The following MYO5B variants were observed in gnomAD, a reference collection of about 807,000 sequenced individuals.
The protein encoded by MYO5B is myosin VB.
A neutral mutation model predicts 229.3 loss-of-function variants in MYO5B; 143 were observed. The ratio of observed to expected loss-of-function variants is 0.62; its 90% CI spans 0.54 to 0.72. The LOEUF (loss-of-function observed/expected upper bound fraction) is 0.72. Among genes scored for constraint, MYO5B ranks in the 30% least tolerant of loss-of-function variants. The pLI, the probability that MYO5B is intolerant of heterozygous loss-of-function variation, is 0.00. For missense variants in MYO5B, 2,321 were observed against 2,331.0 expected, an observed-to-expected ratio of 1.00 and a Z score of 0.09; for synonymous variants, 918 against 885.2, an observed-to-expected ratio of 1.04 and a Z score of -0.66.
chr18:49,984,701 A>AC lies in MYO5B; in HGVS notation c.946+16dup, dbSNP rs753584418. On this transcript the variant is annotated intron_variant, in intron 8 of 39. Transcript: ENST00000285039. ...TCAGCCCTCGGGGCCTGCTTCCCCA[A>AC]CTAAGAAGCTCCTTACCGAGGAGTG... The AC allele has an allele frequency of 7.1e-5, 112 of 1,580,318 alleles. No individual in the cohort carries two copies. In the African/African-American group the frequency reaches 1.5e-3, roughly 21 times the overall value.
intron 1 of MYO5B, among the ~76,000 whole-genome samples, chr18:50,129,446 A>G (rs1272390009): frequency 6.6e-6 from 1 of 152,216 alleles, no homozygotes; most frequent in African/African-American, 2.4e-5. Context: ...CAGAAAACTC[A>G]AATCACTGGA....
intron 1 of MYO5B, among the ~76,000 whole-genome samples, chr18:50,179,330 A>G (rs1226571373): frequency 6.6e-6 from 1 of 152,162 alleles, no homozygotes; most frequent in Non-Finnish European, 1.5e-5. Flanking sequence ...AAGTAGAAAA[A>G]CCAGGTCTCT....
rs368506553 is a variant in MYO5B, at chr18:49,992,300, T to C, written c.744A>G (p.Arg248=). The change falls in exon 6 of 40, where the codon AGA becomes AGG. Residue 248 remains arginine, a synonymous_variant. Coordinates refer to ENST00000285039, the MANE Select transcript of MYO5B (RefSeq NM_001080467.3). ...NMRTYLLEKS[R]VVFQADDERN... ...TCCTCCCACTCACCTGGAAGACCAC[T>C]CTGGACTTCTCCAAGAGGTAAGTCC... The C allele has an allele frequency of 2.4e-5, 39 of 1,614,174 alleles. No homozygotes were observed. Among genetic ancestry groups the C allele is most frequent in the Middle Eastern group, 1.7e-4 (1 of 6,060 alleles).
chr18:50,074,418 T>A (rs1322254846), intron 1 of MYO5B, among the ~76,000 whole-genome samples: 4 of 152,296 alleles, frequency 2.6e-5, no homozygotes, highest in African/African-American at 9.6e-5. Flanking sequence ...GCCCATCGGA[T>A]GTCACTTCCC....
Position 49,970,112 on chromosome 18 carries a change from A to C in MYO5B, c.1322+4238T>G, listed in dbSNP as rs529701611. On this transcript the variant is annotated intron_variant, in intron 10 of 39. Transcript: ENST00000285039. ...AGAGGTATAAAGGATTACAGACTGC[A>C]ATTAATCAGGCCTAGAGAGGCAAAT... 3.3e-5 allele frequency: 5 copies of C among 152,354 alleles called. No homozygotes were observed. In the South Asian group the frequency reaches 8.3e-4, roughly 25 times the overall value. The allele number at this position is 152,354 out of a possible 1,614,324, so 9.4% of individuals were successfully genotyped here. A position where few individuals can be genotyped will look rare whatever the true frequency, so the allele number is the denominator to read the frequency against.
intron 1 of MYO5B, among the ~76,000 whole-genome samples, chr18:50,107,112 T>C (rs2031776047): frequency 1.3e-5 from 1 of 74,870 alleles, no homozygotes; most frequent in Non-Finnish European, 2.5e-5. Flanking sequence ...AGGGTGCCTT[T>C]TTTTTTTTTT....
At chr18:49,932,884 T>A (rs1416748076) in intron 16 of MYO5B, among the ~76,000 whole-genome samples, 1 of 152,042 alleles carries the variant, frequency 6.6e-6, no homozygotes, top group Non-Finnish European at 1.5e-5. Context: ...CACTATTAGG[T>A]GACTAGGAAT....
intron 1 of MYO5B, among the ~76,000 whole-genome samples, chr18:50,082,613 C>T (rs1310224361): frequency 6.6e-6 from 1 of 152,168 alleles, no homozygotes; most frequent in East Asian, 1.9e-4. Flanking sequence ...GAATGTGCAG[C>T]CTAATACTAA....
chr18:50,008,724 T>TCCCA (rs1198638522), intron 4 of MYO5B, among the ~76,000 whole-genome samples: 1 of 152,142 alleles, frequency 6.6e-6, no homozygotes, highest in Admixed American at 6.5e-5. Flanking sequence ...AGAAAGGACA[T>TCCCA]CCCATCTCCA....
Position 50,076,426 on chromosome 18 carries a change from G to C in MYO5B, c.28-21048C>G, listed in dbSNP as rs113128623. 9.8e-3 allele frequency among the ~76,000 whole-genome samples: 1,486 copies of C among 152,294 alleles called. 28 individuals carry two copies. The highest frequency in any genetic ancestry group is 0.034 in the African/African-American group (1,404 of 41,568). ...GCATGAGGGTGAAACAGGAAGGAAG[G>C]AAAGGCGTGGCAGGAGGAGGGGAAG... On this transcript the variant is annotated intron_variant, in intron 1 of 39. Coordinates refer to ENST00000285039, the MANE Select transcript of MYO5B (RefSeq NM_001080467.3).
chr18:49,930,873 CAG>C (rs1348522384), intron 16 of MYO5B, among the ~76,000 whole-genome samples: 4 of 141,744 alleles, frequency 2.8e-5, no homozygotes, highest in Non-Finnish European at 6.0e-5. Flanking sequence ...GCCTGGGTGA[CAG>C]AGTGAGACTC....
intron 8 of MYO5B, among the ~76,000 whole-genome samples, chr18:49,982,269 TG>T (rs1184847567): frequency 1.3e-5 from 2 of 152,114 alleles, no homozygotes; most frequent in East Asian, 3.8e-4. Context: ...GGGTCTCCCG[TG>T]TTGCCCAGAA....
chr18:49,941,066 T>G (rs1016405990), intron 14 of MYO5B, among the ~76,000 whole-genome samples: 3 of 152,204 alleles, frequency 2.0e-5, no homozygotes, highest in African/African-American at 7.2e-5. Context: ...TCTAATGGGT[T>G]ATAAAGCCAT....
intron 4 of MYO5B, among the ~76,000 whole-genome samples, chr18:50,031,714 C>G (rs561623759): frequency 2.6e-5 from 4 of 152,210 alleles, no homozygotes; most frequent in Non-Finnish European, 4.4e-5. Context: ...CAGGACCCAA[C>G]AGAGAAAAAT....
Position 49,878,678 on chromosome 18 carries a change from A to G in MYO5B, c.3276+267T>C, listed in dbSNP as rs138472080. On this transcript the variant is annotated intron_variant, in intron 24 of 39. Coordinates refer to ENST00000285039, the MANE Select transcript of MYO5B (RefSeq NM_001080467.3). Reference sequence around the variant, plus strand: ...AACACAGGAATGTTCCCGTAACAGGAAACAGGAAAGATAACACACTTGGGT... The same window carrying G: ...AACACAGGAATGTTCCCGTAACAGGGAACAGGAAAGATAACACACTTGGGT... Among the ~76,000 whole-genome samples, 1,007 of 152,318 alleles carry G rather than the reference A, an allele frequency of 6.6e-3. 53 individuals carry two copies. The highest frequency in any genetic ancestry group is 0.062 in the Admixed American group (948 of 15,296).
chr18:50,055,241 G>GC (rs769256976), intron 2 of MYO5B, 27 bp downstream of exon 2: 15 of 231,254 alleles, frequency 6.5e-5, no homozygotes, highest in South Asian at 2.4e-4. Context: ...CCTCACCCCC[G>GC]CCCCCCTGCC....
At chr18:50,119,606 G>A (rs988677559) in intron 1 of MYO5B, among the ~76,000 whole-genome samples, 1 of 152,162 alleles carries the variant, frequency 6.6e-6, no homozygotes, top group Non-Finnish European at 1.5e-5. Context: ...AAGTCCCAGG[G>A]TCAGTGAGCG....
chr18:50,174,046 G>A (rs2032958233), intron 1 of MYO5B, among the ~76,000 whole-genome samples: 1 of 152,022 alleles, frequency 6.6e-6, no homozygotes, highest in Non-Finnish European at 1.5e-5. Flanking sequence ...ATCCATTAAG[G>A]GCCCAAATAG....
At chr18:50,063,451 A>G (rs917688702) in intron 1 of MYO5B, among the ~76,000 whole-genome samples, 3 of 152,192 alleles carry the variant, frequency 2.0e-5, no homozygotes, top group Admixed American at 2.0e-4. Flanking sequence ...ATGCCTCCCT[A>G]TCTTGCTGCT....
Sources: allele counts gnomAD v4.1 joint callset (sites outside exome capture counted in the v4.1 genomes callset), GRCh38; gene constraint gnomAD v4.1.1; transcripts MANE v1.5; gene names NCBI Gene and HGNC (gene_info 2026-07-23, HGNC 2026-07-21).